MTSS2: variants seen among roughly 807,000 people sequenced by gnomAD.
MTSS2 encodes the protein MTSS I-BAR domain containing 2, also known as protein MTSS 2.
Under a neutral mutation model 67.1 loss-of-function variants are expected in MTSS2, and 27 were observed. The ratio of observed to expected loss-of-function variants is 0.40; its 90% CI spans 0.30 to 0.55. The LOEUF (loss-of-function observed/expected upper bound fraction) is 0.55, where lower values mean the gene tolerates loss of function less well. Among genes scored for constraint, MTSS2 ranks in the 20% least tolerant of loss-of-function variants. The pLI is 0.43. For missense variants in MTSS2, 1,171 were observed against 1,067.8 expected (o/e 1.10, Z -1.35); for synonymous variants, 624 against 468.6 (o/e 1.33, Z -4.28).
intron 10 of MTSS2, 120 bp downstream of exon 10, chr16:70,676,761 G>T: frequency 1.3e-6 from 1 of 789,638 alleles, no homozygotes; most frequent in Admixed American, 2.2e-5. Flanking sequence ...TCCTCGGATG[G>T]TGTAAAAGTT....
chr16:70,669,887 AACT>A (rs1448766387), intron 11 of MTSS2, among the ~76,000 whole-genome samples: 1 of 152,084 alleles, frequency 6.6e-6, no homozygotes, highest in Admixed American at 6.6e-5. Context: ...ATATACAGGG[AACT>A]ACTATTACTC....
In MTSS2 at chr16:70,678,294, C is replaced by T; in HGVS notation, c.582G>A (p.Arg194=). 2 of 1,612,260 alleles carry T rather than the reference C, an allele frequency of 1.2e-6. No individual in the cohort carries two copies. Among genetic ancestry groups the T allele is most frequent in the Non-Finnish European group, 1.7e-6 (2 of 1,179,964 alleles). Residue 194 remains arginine, a synonymous_variant, in exon 8 of 15, where the codon CGG becomes CGA. Transcript: ENST00000338779. ...AGGTGATGAAGGTGCAGAAGCGGCC[C>T]CGCTCCTCGATCAGCGCCCGGCGCA... is the stretch of plus-strand genomic sequence containing the variant. ...QAVRRALIEE[R]GRFCTFITFL...
At chr16:70,665,146 T>C in intron 12 of MTSS2, 50 bp from the exon 13 acceptor site, 1 of 1,542,592 alleles carries the variant, frequency 6.5e-7, no homozygotes. Context: ...CTACCACCTA[T>C]GGCCCGGGGG....
At position 70,663,887 on chromosome 16, in the gene MTSS2, C is replaced by T. The variant is rs1453205348; in HGVS notation, c.2034G>A (p.Leu678=). ...CGTGGGCACCCGCCACCAGCTCCCC[C>T]AGCTTCTCCACCAGGCTGTGCCGGT... ...AANRHSLVEK[L]GELVAGAHAL... Residue 678 remains leucine, a synonymous_variant, in exon 15 of 15, where the codon CTG becomes CTA. Transcript: ENST00000338779. The T allele has an allele frequency of 1.3e-6, 2 of 1,547,098 alleles. No homozygotes were observed. Among genetic ancestry groups the T allele is most frequent in the Admixed American group, 3.9e-5 (2 of 51,168 alleles).
chr16:70,674,761 C>T (rs1008983587), intron 10 of MTSS2, among the ~76,000 whole-genome samples: 2 of 152,142 alleles, frequency 1.3e-5, no homozygotes, highest in Non-Finnish European at 2.9e-5. Flanking sequence ...TGAGGGGAGC[C>T]GTGGTCAGGG....
rs745978489 is a variant in MTSS2 at position 70,685,696 on chromosome 16, C to T, written c.69+27G>A. 59 of 1,274,576 alleles carry T rather than the reference C, an allele frequency of 4.6e-5. 1 individual carries two copies. In the East Asian group the frequency reaches 7.7e-4, roughly 17 times the overall value. 79.0% of individuals were successfully genotyped at this position (1,274,576 alleles called of 1,614,324 possible). ...GGGGGGTCCCGCACCCGTCGCCGCGCGCCCGGCCCCGCCGCGCCCCGGTTA... is the reference window on the plus strand; with the variant it reads ...GGGGGGTCCCGCACCCGTCGCCGCGTGCCCGGCCCCGCCGCGCCCCGGTTA... On this transcript the variant is annotated intron_variant, in intron 1 of 14. Coordinates refer to ENST00000338779, the MANE Select transcript of MTSS2 (RefSeq NM_138383.3).
chr16:70,667,592 G>A (rs552497172), intron 11 of MTSS2, among the ~76,000 whole-genome samples: 18 of 152,246 alleles, frequency 1.2e-4, no homozygotes, highest in African/African-American at 4.3e-4. Flanking sequence ...TACAGAACAA[G>A]CTGGGCATGG....
At position 70,661,906 on chromosome 16, in the gene MTSS2, G is replaced by A. The variant is rs191545291; in HGVS notation, c.*1771C>T. 3.5e-3 allele frequency: 532 copies of A among 154,136 alleles called. 1 individual carries two copies. The highest frequency in any genetic ancestry group is 4.7e-3 in the Non-Finnish European group (325 of 69,334). 9.5% of individuals were successfully genotyped at this position (154,136 alleles called of 1,614,324 possible). On this transcript the variant is annotated 3_prime_UTR_variant, in exon 15 of 15. Coordinates refer to ENST00000338779, the MANE Select transcript of MTSS2 (RefSeq NM_138383.3). ...TGCAGCCCTGGGGAGAATGTGTGGC[G>A]GAAATTCTACCCAAGACTCCCCAAA...
chr16:70,664,980 C>T lies in MTSS2; in HGVS notation c.1245G>A (p.Leu415=). Residue 415 remains leucine, a synonymous_variant, in exon 13 of 15, where the codon CTG becomes CTA. Transcript: ENST00000338779. ...GCGGTGCCTCTTCCCCGCTGGGGCC[C>T]AGGGTGCCCCCACTGGCAGGGCCTG... ...TEPGPASGGT[L]GPSGEEAPRP... is the part of the protein sequence containing the mutation. 2.5e-6 allele frequency: 4 copies of T among 1,585,822 alleles called. No homozygotes were observed. The highest frequency in any genetic ancestry group is 3.4e-6 in the Non-Finnish European group (4 of 1,174,412).
Position 70,666,090 on chromosome 16 carries a change from C to T in MTSS2, c.1054-550G>A, listed in dbSNP as rs142753133. 3.9e-5 allele frequency among the ~76,000 whole-genome samples: 6 copies of T among 152,196 alleles called. No homozygotes were observed. The East Asian group carries it at 5.8e-4, about 15-fold the overall frequency. ...GGGGTGGGATGAGGCCACCAGGCAG[C>T]GAGTGCAGTTAGACAAGATTCAAGG... On this transcript the variant is annotated intron_variant, in intron 11 of 14. Coordinates refer to ENST00000338779, the MANE Select transcript of MTSS2 (RefSeq NM_138383.3).
At chr16:70,673,795 T>A (rs996970830) in intron 11 of MTSS2, among the ~76,000 whole-genome samples, 1 of 152,068 alleles carries the variant, frequency 6.6e-6, no homozygotes, top group East Asian at 1.9e-4. Flanking sequence ...AAATATATAT[T>A]AAGGGCCTTG....
chr16:70,680,913 G>GGA, intron 2 of MTSS2, 46 bp from the exon 3 acceptor site: 10 of 1,393,068 alleles, frequency 7.2e-6, no homozygotes, highest in Non-Finnish European at 1.0e-5. Context: ...TTGGGCGGGG[G>GGA]GGGGGCCTCT....
intron 11 of MTSS2, among the ~76,000 whole-genome samples, chr16:70,673,450 T>C (rs1428276418): frequency 6.6e-6 from 1 of 152,162 alleles, no homozygotes; most frequent in African/African-American, 2.4e-5. Flanking sequence ...CCCAGAATAG[T>C]GTTCCTGGCA....
chr16:70,676,724 G>A (rs2053127057), intron 10 of MTSS2, among the ~76,000 whole-genome samples, 157 bp downstream of exon 10: 1 of 152,206 alleles, frequency 6.6e-6, no homozygotes, highest in South Asian at 2.1e-4. Context: ...GGATGACAGG[G>A]CACATTTTCC....
At position 70,680,030 on chromosome 16, in the gene MTSS2, C is replaced by A; in HGVS notation, c.231G>T (p.Ala77=). The change falls in exon 4 of 15, where the codon GCG becomes GCT. Residue 77 remains alanine (A), a synonymous_variant. Coordinates refer to ENST00000338779, the MANE Select transcript of MTSS2 (RefSeq NM_138383.3). The part of the protein sequence containing the change: ...TRGATRDIGS[A]LTRMCMRHRS... The stretch of plus-strand genomic sequence containing the variant: ...GGTGGCGCATGCACATGCGTGTGAG[C>A]GCCGAGCCGATGTCCCTCGTGGCCC... The A allele has an allele frequency of 6.5e-7, 1 of 1,530,340 alleles. No homozygotes were observed. The allele number at this position is 1,530,340 out of a possible 1,614,324, so 94.8% of individuals were successfully genotyped here.
At position 70,664,822 on chromosome 16, in the gene MTSS2, C is replaced by T. The variant is rs769785546; in HGVS notation, c.1306-59G>A. ...GCCCCCAATCCCCTCTGCCCAAATT[C>T]CAGGCAGCCCTGCCAGGTGGTTGGA... On this transcript the variant is annotated intron_variant, in intron 13 of 14. Coordinates refer to ENST00000338779, the MANE Select transcript of MTSS2 (RefSeq NM_138383.3). 8 of 1,535,156 alleles carry T rather than the reference C, an allele frequency of 5.2e-6. No homozygotes were observed. In the African/African-American group the frequency reaches 8.2e-5, roughly 16 times the overall value.
rs1181553149 is a variant in MTSS2, at chr16:70,661,673, G to A, written c.*2004C>T. On this transcript the variant is annotated 3_prime_UTR_variant, in exon 15 of 15. Coordinates refer to ENST00000338779, the MANE Select transcript of MTSS2 (RefSeq NM_138383.3). ...GGTCTCAGGGATGGACAAGGGGATG[G>A]AGTAGAGTATGTACAGCCCCCGGGG... 1 of 327,698 alleles carries A rather than the reference G, an allele frequency of 3.1e-6. No individual in the cohort carries two copies. The highest frequency in any genetic ancestry group is 2.2e-5 in the African/African-American group (1 of 45,388). 20.3% of individuals were successfully genotyped at this position (327,698 alleles called of 1,614,324 possible).
chr16:70,682,154 T>C (rs1219586631), intron 1 of MTSS2, among the ~76,000 whole-genome samples: 1 of 151,762 alleles, frequency 6.6e-6, no homozygotes, highest in East Asian at 2.0e-4. Context: ...CCTCAGAATC[T>C]CCCTCCCCTC....
chr16:70,665,260 G>A, intron 12 of MTSS2, 164 bp from the exon 13 acceptor site: 1 of 948,280 alleles, frequency 1.1e-6, no homozygotes. Context: ...TGGCCCCTCA[G>A]TCCCACCAGG....
Sources: allele counts gnomAD v4.1 joint callset (sites outside exome capture counted in the v4.1 genomes callset), GRCh38; gene constraint gnomAD v4.1.1; transcripts MANE v1.5; gene names NCBI Gene and HGNC (gene_info 2026-07-23, HGNC 2026-07-21).